The following AKAP6 variants were observed in gnomAD, a reference collection of about 807,000 sequenced individuals.
AKAP6 encodes the protein A-kinase anchor protein 6.
In AKAP6, 58 loss-of-function variants were observed where a neutral mutation model predicts 188.5. That is an observed-to-expected ratio of 0.31 (90% CI 0.25 to 0.38). The LOEUF (loss-of-function observed/expected upper bound fraction) is 0.38. Among genes scored for constraint, AKAP6 ranks in the 10% least tolerant of loss-of-function variants. The pLI is 1.00. For missense variants in AKAP6, 2,710 were observed against 2,740.0 expected, an observed-to-expected ratio of 0.99 and a Z score of 0.24; for synonymous variants, 989 against 998.6, an observed-to-expected ratio of 0.99 and a Z score of 0.18.
intron 7 of AKAP6, among the ~76,000 whole-genome samples, chr14:32,604,928 A>T (rs1041141413): frequency 7.9e-5 from 12 of 152,174 alleles, no homozygotes; most frequent in African/African-American, 2.7e-4. Context: ...TCACCTAGGT[A>T]TTAAGCCCAG....
chr14:32,529,221 G>A (rs539861896), intron 2 of AKAP6, among the ~76,000 whole-genome samples: 16 of 152,232 alleles, frequency 1.1e-4, no homozygotes, highest in African/African-American at 3.6e-4. Flanking sequence ...TTCATTTGGG[G>A]GGATGCTAGT....
At chr14:32,613,191 AC>A (rs1332207445) in intron 7 of AKAP6, among the ~76,000 whole-genome samples, 17 of 152,214 alleles carry the variant, frequency 1.1e-4, no homozygotes, top group Non-Finnish European at 1.5e-5. Flanking sequence ...AGACACAAAC[AC>A]AAACACTCAG....
chr14:32,518,460 G>A (rs945463192), intron 2 of AKAP6, among the ~76,000 whole-genome samples: 2 of 152,086 alleles, frequency 1.3e-5, no homozygotes, highest in African/African-American at 2.4e-5. Flanking sequence ...AAGATTAGAC[G>A]AATGGCTAAC....
chr14:32,521,061 A>G (rs548709806), intron 2 of AKAP6, among the ~76,000 whole-genome samples: 2 of 152,186 alleles, frequency 1.3e-5, no homozygotes, highest in East Asian at 1.9e-4. Flanking sequence ...AACATAATCC[A>G]TCATATAAAC....
chr14:32,613,951 A>T (rs921835360), intron 7 of AKAP6, among the ~76,000 whole-genome samples: 5 of 152,196 alleles, frequency 3.3e-5, no homozygotes, highest in Non-Finnish European at 7.3e-5. Context: ...AATTATCATC[A>T]AATAGTGCTG....
intron 7 of AKAP6, among the ~76,000 whole-genome samples, chr14:32,618,483 A>C (rs746464376): frequency 1.3e-5 from 2 of 152,236 alleles, no homozygotes; most frequent in African/African-American, 2.4e-5. Flanking sequence ...CACTTGGAAT[A>C]ATAACCCTCA....
At chr14:32,565,460 G>A (rs1222662396) in intron 4 of AKAP6, among the ~76,000 whole-genome samples, 1 of 152,130 alleles carries the variant, frequency 6.6e-6, no homozygotes, top group Non-Finnish European at 1.5e-5. Context: ...TTCTACCTTT[G>A]AGTACTCTCT....
intron 7 of AKAP6, among the ~76,000 whole-genome samples, chr14:32,615,740 C>T (rs938950945): frequency 1.3e-4 from 20 of 151,870 alleles, no homozygotes; most frequent in East Asian, 9.7e-4. Context: ...GGACTACAGG[C>T]GCCCGCCACC....
chr14:32,626,398 T>C (rs996808701), intron 7 of AKAP6, among the ~76,000 whole-genome samples: 2 of 152,038 alleles, frequency 1.3e-5, no homozygotes, highest in African/African-American at 2.4e-5. Context: ...CTACCTTCAT[T>C]GTCATCTTCC....
intron 2 of AKAP6, among the ~76,000 whole-genome samples, chr14:32,458,021 A>G (rs1594635197): frequency 6.6e-6 from 1 of 152,182 alleles, no homozygotes; most frequent in East Asian, 1.9e-4. Flanking sequence ...TGCCTACTTG[A>G]TAGCAAGTTA....
chr14:32,577,643 G>T (rs1387629527), intron 5 of AKAP6, among the ~76,000 whole-genome samples: 2 of 151,900 alleles, frequency 1.3e-5, no homozygotes, highest in Non-Finnish European at 2.9e-5. Context: ...TATCAAGAGG[G>T]TCTACATTAT....
At chr14:32,454,853 TTCCCTCCC>T (rs1318240186) in intron 2 of AKAP6, among the ~76,000 whole-genome samples, 1 of 10,162 alleles carries the variant, frequency 9.8e-5, no homozygotes, top group Non-Finnish European at 1.6e-4. Context: ...CCCTCCCTCC[TTCCCTCCC>T]TCCCTCCCTC....
chr14:32,512,241 C>T (rs1456189316), intron 2 of AKAP6, among the ~76,000 whole-genome samples: 1 of 152,136 alleles, frequency 6.6e-6, no homozygotes, highest in African/African-American at 2.4e-5. Flanking sequence ...TTTTTTGATT[C>T]TGTTTTTCCT....
intron 8 of AKAP6, among the ~76,000 whole-genome samples, chr14:32,691,861 G>A (rs1441881759): frequency 2.0e-5 from 3 of 152,104 alleles, no homozygotes; most frequent in African/African-American, 7.2e-5. Context: ...GCCTGGCTTT[G>A]ATTTGCCACT....
intron 7 of AKAP6, among the ~76,000 whole-genome samples, chr14:32,605,211 G>A (rs915114047): frequency 6.6e-6 from 1 of 152,038 alleles, no homozygotes; most frequent in African/African-American, 2.4e-5. Context: ...ATAGAGATAG[G>A]AACAAAGTGC....
chr14:32,391,721 T>C (rs1951185), intron 1 of AKAP6, among the ~76,000 whole-genome samples: 138,669 of 152,220 alleles, frequency 0.91, 63,425 homozygotes, highest in South Asian at 0.96. Flanking sequence ...CCATGTAAGA[T>C]GTGACTGCTA....
At chr14:32,671,307 C>G (rs1889182285) in intron 7 of AKAP6, among the ~76,000 whole-genome samples, 1 of 152,092 alleles carries the variant, frequency 6.6e-6, no homozygotes, top group African/African-American at 2.4e-5. Context: ...AAGGACTGAC[C>G]ACTGCATGAG....
In AKAP6 at chr14:32,546,921, T is replaced by C; in HGVS notation, c.2268T>C (p.Thr756=). 6.2e-7 allele frequency: 1 copy of C among 1,613,248 alleles called. No homozygotes were observed. The part of the protein sequence containing the change: ...SSEKNESHSA[T]KSALIQKLMQ... ...AGAAAAATGAGAGCCATTCTGCCACTAAATCAGCTTTAATTCAGAAACTGA... is the reference window on the plus strand; with the variant it reads ...AGAAAAATGAGAGCCATTCTGCCACCAAATCAGCTTTAATTCAGAAACTGA... Residue 756 remains threonine, a synonymous_variant, in exon 4 of 14, where the codon ACT becomes ACC. Transcript: ENST00000280979.
chr14:32,488,520 C>T (rs1879822810), intron 2 of AKAP6, among the ~76,000 whole-genome samples: 1 of 152,150 alleles, frequency 6.6e-6, no homozygotes, highest in Non-Finnish European at 1.5e-5. Context: ...GGCTTCAGCC[C>T]CCTTTCCAGG....
Sources: allele counts gnomAD v4.1 joint callset (sites outside exome capture counted in the v4.1 genomes callset), GRCh38; gene constraint gnomAD v4.1.1; transcripts MANE v1.5; gene names NCBI Gene and HGNC (gene_info 2026-07-23, HGNC 2026-07-21).